Variants in PRRC2B observed in about 807,000 individuals in gnomAD.
PRRC2B encodes the protein proline rich coiled-coil 2B.
PRRC2B carries 68 observed loss-of-function variants against 242.3 expected under a neutral mutation model. The ratio of observed to expected loss-of-function variants is 0.28; its 90% confidence interval spans 0.23 to 0.34. PRRC2B has a LOEUF of 0.34. Ranked by LOEUF, PRRC2B falls within the 10% of genes least tolerant of loss-of-function variation. The probability of loss-of-function intolerance (pLI) is 1.00; values close to 1 mark genes in which losing one functional copy is unlikely to be tolerated. For synonymous variants in PRRC2B, 1,228 were observed against 1,173.6 expected (o/e 1.05, Z -0.95); for missense variants, 2,835 against 2,954.8 (o/e 0.96, Z 0.94).
chr9:131,488,160 T>C, intron 28 of PRRC2B, 64 bp downstream of exon 28: 1 of 1,537,130 alleles, frequency 6.5e-7, no homozygotes, highest in Non-Finnish European at 8.8e-7. Flanking sequence ...TTGCCTTTTC[T>C]TTTCACCCGC....
chr9:131,432,873 C>A, intron 3 of PRRC2B, 79 bp downstream of exon 3: 3 of 1,468,616 alleles, frequency 2.0e-6, no homozygotes, highest in South Asian at 2.5e-5. Context: ...GGCAAACTAA[C>A]CCTAACCCTT....
At chr9:131,472,667 C>T (rs1231775316) in intron 14 of PRRC2B, among the ~76,000 whole-genome samples, 3 of 151,886 alleles carry the variant, frequency 2.0e-5, no homozygotes, top group East Asian at 1.9e-4. Context: ...TTAGTAGAGA[C>T]GGGGTTTCAC....
At chr9:131,407,410 A>AG (rs1275456357) in intron 1 of PRRC2B, among the ~76,000 whole-genome samples, 2 of 152,104 alleles carry the variant, frequency 1.3e-5, no homozygotes, top group African/African-American at 2.4e-5. Context: ...ATTTGGAGTG[A>AG]GGGTGCATGC....
intron 6 of PRRC2B, among the ~76,000 whole-genome samples, chr9:131,445,824 A>G (rs1391304389): frequency 6.6e-6 from 1 of 152,212 alleles, no homozygotes; most frequent in Non-Finnish European, 1.5e-5. Context: ...ACATTTGGCA[A>G]TAGAAAGCAT....
chr9:131,419,259 C>T (rs1212450808), intron 1 of PRRC2B, among the ~76,000 whole-genome samples: 3 of 152,186 alleles, frequency 2.0e-5, no homozygotes, highest in Non-Finnish European at 4.4e-5. Flanking sequence ...GAGAATCTCC[C>T]TGCATCTCTG....
At chr9:131,474,009 G>A (rs564568197) in intron 15 of PRRC2B, among the ~76,000 whole-genome samples, 3 of 152,324 alleles carry the variant, frequency 2.0e-5, no homozygotes, top group South Asian at 2.1e-4. Context: ...CAAGGCAGGT[G>A]GGGTCCAGAG....
At chr9:131,399,640 C>T (rs1837174221) in intron 1 of PRRC2B, among the ~76,000 whole-genome samples, 2 of 152,028 alleles carry the variant, frequency 1.3e-5, no homozygotes, top group African/African-American at 4.8e-5. Context: ...CACTTGTGAC[C>T]TCACCATCCA....
intron 10 of PRRC2B, among the ~76,000 whole-genome samples, chr9:131,456,328 T>C (rs1233344781): frequency 1.3e-5 from 2 of 151,746 alleles, no homozygotes; most frequent in African/African-American, 2.4e-5. Flanking sequence ...TTAGTAGCAC[T>C]TTTAAAATAA....
chr9:131,427,641 G>GT (rs1220756787), intron 1 of PRRC2B, among the ~76,000 whole-genome samples: 1 of 151,864 alleles, frequency 6.6e-6, no homozygotes, highest in East Asian at 1.9e-4. Context: ...ATAATATAGA[G>GT]TTTTATCTTT....
chr9:131,464,819 G>A lies in PRRC2B; in HGVS notation c.1461G>A (p.Lys487=), dbSNP rs1319767857. The change falls in exon 12 of 32, where the codon AAG becomes AAA. Residue 487 remains lysine, a synonymous_variant. Transcript: ENST00000683519. The part of the protein sequence containing the change: ...RQQSIEDKED[K]PPPRQKFIQS... ...AGTCCATCGAGGACAAGGAGGACAAGCCCCCACCAAGGCAGAAGTTCATTC... is the reference window on the plus strand; with the variant it reads ...AGTCCATCGAGGACAAGGAGGACAAACCCCCACCAAGGCAGAAGTTCATTC... 2 of 1,613,084 alleles carry A rather than the reference G, an allele frequency of 1.2e-6. No homozygotes were observed. Among genetic ancestry groups the A allele is most frequent in the Non-Finnish European group, 1.7e-6 (2 of 1,179,408 alleles).
intron 13 of PRRC2B, among the ~76,000 whole-genome samples, chr9:131,468,034 A>G (rs1943443675): frequency 6.6e-6 from 1 of 152,058 alleles, no homozygotes; most frequent in African/African-American, 2.4e-5. Context: ...TTGTTAAGGA[A>G]CCTATTCAGT....
Position 131,446,695 on chromosome 9 carries a change from G to A in PRRC2B, c.855+53G>A. ...CCCCCATGAAGTTGGATTGTGTCCA[G>A]CAGATAGGTCAAGTGGTTGAATGTC... On this transcript the variant is annotated intron_variant, in intron 7 of 31. Transcript: ENST00000683519. This position sits in a 1 kb window ranked among gnomAD's most constrained non-coding sequence, Gnocchi z 4.1. The A allele has an allele frequency of 6.3e-7, 1 of 1,597,346 alleles. No homozygotes were observed. Among genetic ancestry groups the A allele is most frequent in the Non-Finnish European group, 8.6e-7 (1 of 1,169,272 alleles).
upstream of PRRC2B, among the ~76,000 whole-genome samples, chr9:131,392,895 G>A (rs1264174516): frequency 6.7e-6 from 1 of 150,198 alleles, no homozygotes; most frequent in African/African-American, 2.5e-5. Context: ...ACTCCAGCCT[G>A]GGGGACAGAG....
chr9:131,479,183 C>CTT (rs1943789315), intron 18 of PRRC2B, 69 bp from the exon 19 acceptor site: 1 of 1,526,614 alleles, frequency 6.6e-7, no homozygotes, highest in East Asian at 2.3e-5. Flanking sequence ...ACCTGGGATA[C>CTT]TTATCCTGGG....
At chr9:131,415,995 T>G (rs1186916838) in intron 1 of PRRC2B, among the ~76,000 whole-genome samples, 3 of 151,950 alleles carry the variant, frequency 2.0e-5, no homozygotes, top group Non-Finnish European at 4.4e-5. Context: ...TAGTTAAATC[T>G]GGACTCCTGG....
Position 131,462,409 on chromosome 9 carries a change from C to T in PRRC2B, c.1405-2354C>T, listed in dbSNP as rs888454343. Among the ~76,000 whole-genome samples, 5 of 151,578 alleles carry T rather than the reference C, an allele frequency of 3.3e-5. No homozygotes were observed. The East Asian group carries it at 9.8e-4, about 30-fold the overall frequency. ...TGTATTTTTAGTAGAAATGGGGTTT[C>T]ACCATGTTGCTTTGGCTGGTCTTGA... On this transcript the variant is annotated intron_variant, in intron 11 of 31. Transcript: ENST00000683519.
At chr9:131,471,007 C>T (rs1308378630) in intron 14 of PRRC2B, 24 bp downstream of exon 14, 2 of 1,558,516 alleles carry the variant, frequency 1.3e-6, no homozygotes, top group African/African-American at 1.4e-5. Context: ...TCTGACGGTC[C>T]ATACCTGTAT....
intron 1 of PRRC2B, among the ~76,000 whole-genome samples, chr9:131,382,711 C>A (rs1836776845): frequency 1.3e-5 from 2 of 150,078 alleles, no homozygotes; most frequent in South Asian, 4.2e-4. Flanking sequence ...GTGGTGTGAT[C>A]TCGGCTCACA....
chr9:131,420,494 T>TC (rs1554758632), intron 1 of PRRC2B, among the ~76,000 whole-genome samples: 21 of 10,024 alleles, frequency 2.1e-3, no homozygotes, highest in Admixed American at 3.7e-3. Flanking sequence ...TCTTTCTTTC[T>TC]TTTTTTTTTT....
Sources: allele counts gnomAD v4.1 joint callset (sites outside exome capture counted in the v4.1 genomes callset), GRCh38; gene constraint gnomAD v4.1.1; non-coding constraint Gnocchi (gnomAD v3.1); transcripts MANE v1.5; gene names NCBI Gene and HGNC (gene_info 2026-07-23, HGNC 2026-07-21).